CTDSPL: variants seen among roughly 807,000 people sequenced by gnomAD.
The protein encoded by CTDSPL is CTD small phosphatase-like protein.
In CTDSPL, 8 loss-of-function variants were observed where a neutral mutation model predicts 30.5. The observed-to-expected ratio is 0.26, with a 90% CI of 0.15 to 0.47. CTDSPL has a LOEUF of 0.47. Ranked by LOEUF, CTDSPL falls within the 20% of genes least tolerant of loss-of-function variation. The pLI is 0.99. For synonymous variants in CTDSPL, 110 were observed against 137.9 expected (o/e 0.80, Z 1.42); for missense variants, 248 against 366.1 (o/e 0.68, Z 2.63).
chr3:37,936,749 G>T (rs917880181), intron 1 of CTDSPL, among the ~76,000 whole-genome samples: 12 of 151,520 alleles, frequency 7.9e-5, no homozygotes, highest in African/African-American at 2.9e-4. Context: ...GGTTGTAATG[G>T]CTCTGACCTT....
chr3:37,968,468 T>C (rs1028883242), intron 5 of CTDSPL: 1 of 232,244 alleles, frequency 4.3e-6, no homozygotes, highest in South Asian at 4.4e-5. Flanking sequence ...TTTTTCCTTA[T>C]CTGCATAAAG....
intron 1 of CTDSPL, among the ~76,000 whole-genome samples, chr3:37,933,711 G>A (rs972166265): frequency 1.6e-4 from 25 of 152,194 alleles, no homozygotes; most frequent in Non-Finnish European, 3.1e-4. Context: ...GGCATAGAAT[G>A]ACTGTAAGTA....
intron 1 of CTDSPL, among the ~76,000 whole-genome samples, chr3:37,899,145 ACCCTGGG>A (rs1457189438): frequency 1.3e-5 from 2 of 152,214 alleles, no homozygotes; most frequent in Non-Finnish European, 2.9e-5. Context: ...AGGCAGTGAT[ACCCTGGG>A]CTGGAACCCA....
intron 1 of CTDSPL, among the ~76,000 whole-genome samples, chr3:37,945,950 G>T (rs868342419): frequency 6.6e-6 from 1 of 152,226 alleles, no homozygotes; most frequent in African/African-American, 2.4e-5. Flanking sequence ...CAAATCACTC[G>T]TAAGTGCACA....
At chr3:37,925,579 T>C (rs1333069439) in intron 1 of CTDSPL, among the ~76,000 whole-genome samples, 1 of 152,184 alleles carries the variant, frequency 6.6e-6, no homozygotes, top group African/African-American at 2.4e-5. Flanking sequence ...TGCAGAGGCC[T>C]CAAACTTGTT....
intron 2 of CTDSPL, among the ~76,000 whole-genome samples, chr3:37,949,603 G>A (rs1699085571): frequency 6.6e-6 from 1 of 152,194 alleles, no homozygotes; most frequent in Non-Finnish European, 1.5e-5. Flanking sequence ...ATATGAAGAG[G>A]TTATCTCCTA....
intron 1 of CTDSPL, among the ~76,000 whole-genome samples, chr3:37,878,147 G>A (rs1698160289): frequency 6.6e-6 from 1 of 152,190 alleles, no homozygotes; most frequent in Non-Finnish European, 1.5e-5. Flanking sequence ...ATTCTCATGA[G>A]TGTGAGGTAT....
Position 37,862,141 on chromosome 3 carries a change from C to G in CTDSPL, c.-59C>G. On this transcript the variant is annotated 5_prime_UTR_variant, in exon 1 of 8. Transcript: ENST00000273179. This position sits in a 1 kb window ranked among gnomAD's most constrained non-coding sequence, Gnocchi z 4.3. Reference sequence around the variant, plus strand: ...CGCCCCCGCGCCCCCCGCGCCGCGCCCCCGCGCGCTTGGCTTGCGGGGGGC... The same window carrying G: ...CGCCCCCGCGCCCCCCGCGCCGCGCGCCCGCGCGCTTGGCTTGCGGGGGGC... 1 of 896,628 alleles carries G rather than the reference C, an allele frequency of 1.1e-6. No homozygotes were observed. 55.5% of individuals were successfully genotyped at this position (896,628 alleles called of 1,614,324 possible).
intron 1 of CTDSPL, among the ~76,000 whole-genome samples, chr3:37,919,510 A>G (rs568768724): frequency 3.6e-4 from 55 of 152,370 alleles, no homozygotes; most frequent in African/African-American, 1.2e-3. Context: ...GGTAGAAACC[A>G]GAATAGGAAA....
rs759448616 is a variant in CTDSPL at position 37,971,533 on chromosome 3, C to A, written c.519+34C>A. 33 of 1,585,992 alleles carry A rather than the reference C, an allele frequency of 2.1e-5. No homozygotes were observed. The Middle Eastern group carries it at 5.0e-4, about 24-fold the overall frequency. On this transcript the variant is annotated intron_variant, in intron 6 of 7. Transcript: ENST00000273179. ...TGCTTCCCAGCCCCACACTCCCAGC[C>A]TGGTACTCCCAGCCCCTCCACCCCT...
rs561920653 is a variant in CTDSPL at position 37,934,231 on chromosome 3, G to C, written c.80-12826G>C. Among the ~76,000 whole-genome samples, 12 of 152,064 alleles carry C rather than the reference G, an allele frequency of 7.9e-5. No individual in the cohort carries two copies. In the South Asian group the frequency reaches 2.3e-3, roughly 29 times the overall value. On this transcript the variant is annotated intron_variant, in intron 1 of 7. Transcript: ENST00000273179. Reference sequence around the variant, plus strand: ...AGTCCCAGCTATTCAGGAGGCTGAGGTGAGAAGATGGCTTGAGCCCAGGAA... The same window carrying C: ...AGTCCCAGCTATTCAGGAGGCTGAGCTGAGAAGATGGCTTGAGCCCAGGAA...
chr3:37,889,802 G>A (rs1698304051), intron 1 of CTDSPL, among the ~76,000 whole-genome samples: 1 of 152,148 alleles, frequency 6.6e-6, no homozygotes, highest in South Asian at 2.1e-4. Context: ...ATGCTATCAG[G>A]TTTTTAAACA....
At chr3:37,969,535 A>C (rs368569783) in intron 5 of CTDSPL, 1 of 423,324 alleles carries the variant, frequency 2.4e-6, no homozygotes, top group African/African-American at 2.1e-5. Flanking sequence ...AGAGGCACCA[A>C]CACCAGAGTT....
At chr3:37,946,049 C>G (rs1699033252) in intron 1 of CTDSPL, among the ~76,000 whole-genome samples, 1 of 152,212 alleles carries the variant, frequency 6.6e-6, no homozygotes, top group South Asian at 2.1e-4. Flanking sequence ...CCTGCTCTGG[C>G]AATTTTCCCA....
chr3:37,967,696 C>T (rs771333344), intron 4 of CTDSPL, 130 bp from the exon 5 acceptor site: 1 of 617,958 alleles, frequency 1.6e-6, no homozygotes, highest in South Asian at 2.0e-5. Context: ...AGGCATGCTT[C>T]ATCATCCTCC....
At chr3:37,884,351 A>T (rs1206260232) in intron 1 of CTDSPL, among the ~76,000 whole-genome samples, 1 of 152,214 alleles carries the variant, frequency 6.6e-6, no homozygotes, top group African/African-American at 2.4e-5. Flanking sequence ...ATATACATCA[A>T]TATAAATGAA....
At chr3:37,882,346 G>A (rs1258184527) in intron 1 of CTDSPL, among the ~76,000 whole-genome samples, 1 of 151,570 alleles carries the variant, frequency 6.6e-6, no homozygotes, top group African/African-American at 2.4e-5. Flanking sequence ...GGAGGCTGAG[G>A]CAGGAGAATG....
chr3:37,921,425 A>G (rs777968453), intron 1 of CTDSPL, among the ~76,000 whole-genome samples: 11 of 152,244 alleles, frequency 7.2e-5, no homozygotes, highest in Non-Finnish European at 1.2e-4. Flanking sequence ...GACCCATGTC[A>G]TAGCCATCTT....
At chr3:37,905,073 G>T (rs112711283) in intron 1 of CTDSPL, among the ~76,000 whole-genome samples, 1 of 152,212 alleles carries the variant, frequency 6.6e-6, no homozygotes, top group Non-Finnish European at 1.5e-5. Flanking sequence ...TTCAAACACG[G>T]GGACTCAGAA....
Sources: gnomAD v4.1 joint callset for allele counts (sites outside exome capture counted in the v4.1 genomes callset) on GRCh38, gnomAD v4.1.1 for gene constraint, Gnocchi (gnomAD v3.1) non-coding constraint, MANE v1.5 for transcripts, NCBI Gene and HGNC (gene_info 2026-07-23, HGNC 2026-07-21) for gene names.